SUCO: variants seen among roughly 807,000 people sequenced by gnomAD.
The protein encoded by SUCO is SUN domain-containing ossification factor.
A neutral mutation model predicts 148.1 loss-of-function variants in SUCO; 57 were observed. That is an observed-to-expected ratio of 0.38 (90% CI 0.31 to 0.48). The LOEUF is 0.48. SUCO is among the 20% of genes least tolerant of loss of function. The probability of loss-of-function intolerance (pLI) is 0.96; values close to 1 mark genes in which losing one functional copy is unlikely to be tolerated. For missense variants in SUCO, 1,331 were observed against 1,468.2 expected, an observed-to-expected ratio of 0.91 and a Z score of 1.53; for synonymous variants, 470 against 502.7, an observed-to-expected ratio of 0.93 and a Z score of 0.87.
intron 19 of SUCO, among the ~76,000 whole-genome samples, chr1:172,597,570 C>T (rs969604961): frequency 2.0e-4 from 31 of 151,908 alleles, no homozygotes; most frequent in African/African-American, 4.4e-4. Flanking sequence ...CAAGTAAGAA[C>T]GGCTTTGTTT....
At chr1:172,534,236 C>T (rs1453854649) in intron 1 of SUCO, among the ~76,000 whole-genome samples, 1 of 152,104 alleles carries the variant, frequency 6.6e-6, no homozygotes, top group Non-Finnish European at 1.5e-5. Flanking sequence ...ATCCCAGGCA[C>T]TTCTGGAGTT....
At chr1:172,598,038 G>A (rs1657250630) in intron 19 of SUCO, among the ~76,000 whole-genome samples, 1 of 152,040 alleles carries the variant, frequency 6.6e-6, no homozygotes. Context: ...TTTTTCCTTT[G>A]TTTTTTCTAG....
chr1:172,536,369 T>C (rs1652014674), intron 1 of SUCO, among the ~76,000 whole-genome samples: 1 of 152,180 alleles, frequency 6.6e-6, no homozygotes, highest in South Asian at 2.1e-4. Flanking sequence ...ATCCTCAGAA[T>C]GGGGAAATTG....
Position 172,589,476 on chromosome 1 carries a change from T to C in SUCO, c.2375T>C (p.Ile792Thr), listed in dbSNP as rs1286073063. Reference protein sequence around the residue: ...ESFSSIEKPSITYETNKVNEL... With the variant: ...ESFSSIEKPSTTYETNKVNEL... ...TTTAGTTCTATAGAGAAACCATCTA[T>C]TACCTATGAAACAAATAAAGTTAAT... The change falls in exon 18 of 24, where the codon ATT (isoleucine) becomes ACT (threonine). Residue 792 changes from isoleucine to threonine, a missense_variant. This residue lies in a region of SUCO where 992 missense variants were observed against 1,093.5 expected (regional missense o/e 0.91). Transcript: ENST00000263688. 1 of 1,611,300 alleles carries C rather than the reference T, an allele frequency of 6.2e-7. No individual in the cohort carries two copies. The highest frequency in any genetic ancestry group is 1.1e-5 in the South Asian group (1 of 90,736).
At chr1:172,568,947 T>A (rs1654749400) in intron 6 of SUCO, 72 bp from the exon 7 acceptor site, 1 of 1,330,772 alleles carries the variant, frequency 7.5e-7, no homozygotes, top group African/African-American at 1.6e-5. Flanking sequence ...CAGAAACATT[T>A]GTATTTATTT....
chr1:172,538,244 A>G (rs975547786), intron 1 of SUCO, among the ~76,000 whole-genome samples: 1 of 151,854 alleles, frequency 6.6e-6, no homozygotes, highest in African/African-American at 2.4e-5. Context: ...AAGAGAGTTG[A>G]TATCTAAATC....
At chr1:172,532,390 A>T (rs897354011), upstream of SUCO, 2 of 1,057,706 alleles carry the variant, frequency 1.9e-6, no homozygotes, top group Non-Finnish European at 2.7e-6. Flanking sequence ...AACGAAGCAC[A>T]CTTAAAGTGA....
At chr1:172,555,149 CAT>C (rs1653637681) in intron 3 of SUCO, among the ~76,000 whole-genome samples, 2 of 152,176 alleles carry the variant, frequency 1.3e-5, no homozygotes, top group South Asian at 4.2e-4. Context: ...ATCAAGAGAA[CAT>C]AGTTCTTACT....
At chr1:172,591,286 A>G (rs34134854) in intron 19 of SUCO, among the ~76,000 whole-genome samples, 28,506 of 151,786 alleles carry the variant, frequency 0.19, 3,134 homozygotes, top group South Asian at 0.27. Flanking sequence ...TTTTTTTTTA[A>G]TTATACTTTT....
chr1:172,567,014 A>G (rs770962774), intron 6 of SUCO, among the ~76,000 whole-genome samples: 35 of 152,242 alleles, frequency 2.3e-4, no homozygotes, highest in Non-Finnish European at 4.7e-4. Flanking sequence ...TTAAGTAGCC[A>G]TACACTTCAT....
chr1:172,558,585 T>TA (rs1339456387), intron 6 of SUCO, among the ~76,000 whole-genome samples: 1 of 152,224 alleles, frequency 6.6e-6, no homozygotes, highest in African/African-American at 2.4e-5. Flanking sequence ...AATCTTCACT[T>TA]ACGACTAACT....
chr1:172,547,342 A>G lies in SUCO; in HGVS notation c.63-4170A>G, dbSNP rs187684397. ...GTTTTCGCTATTAGGAGTAAAAACT[A>G]CTATGGACATTCTTGTACAAGGCTT... On this transcript the variant is annotated intron_variant, in intron 1 of 23. Transcript: ENST00000263688. Among the ~76,000 whole-genome samples, 3 of 152,336 alleles carry G rather than the reference A, an allele frequency of 2.0e-5. No homozygotes were observed. The East Asian group carries it at 5.8e-4, about 29-fold the overall frequency.
At chr1:172,562,085 A>G (rs1179757911) in intron 6 of SUCO, among the ~76,000 whole-genome samples, 3 of 152,144 alleles carry the variant, frequency 2.0e-5, no homozygotes, top group East Asian at 3.9e-4. Flanking sequence ...AAACAACAGC[A>G]TAGAATTAAG....
At chr1:172,576,938 T>A (rs1160058132) in intron 11 of SUCO, 1 of 718,508 alleles carries the variant, frequency 1.4e-6, no homozygotes, top group Non-Finnish European at 1.7e-6. Context: ...ATCTACTACT[T>A]TTTAATAGCA....
At chr1:172,599,121 A>G (rs1398165051) in intron 19 of SUCO, among the ~76,000 whole-genome samples, 1 of 152,212 alleles carries the variant, frequency 6.6e-6, no homozygotes, top group Non-Finnish European at 1.5e-5. Context: ...TAAAAGTTCA[A>G]ATTTTCGACC....
intron 6 of SUCO, among the ~76,000 whole-genome samples, chr1:172,562,581 C>A (rs115237446): frequency 6.6e-6 from 1 of 152,150 alleles, no homozygotes; most frequent in Non-Finnish European, 1.5e-5. Flanking sequence ...CGTGATCACC[C>A]GCCTTGGCCT....
Position 172,556,578 on chromosome 1 carries a change from C to CT in SUCO, c.443+558dup, listed in dbSNP as rs1223875628. 4.1e-6 allele frequency: 4 copies of CT among 980,106 alleles called. No homozygotes were observed. In the African/African-American group the frequency reaches 7.0e-5, roughly 17 times the overall value. 60.7% of individuals were successfully genotyped at this position (980,106 alleles called of 1,614,324 possible). On this transcript the variant is annotated intron_variant, in intron 4 of 23. Coordinates refer to ENST00000263688, the MANE Select transcript of SUCO (RefSeq NM_014283.5). ...CTCTTAATACTACATTAAGCATTTC[C>CT]TTTATCAAATGAGTTGACATAAATA...
chr1:172,533,974 T>C (rs1651825686), intron 1 of SUCO, among the ~76,000 whole-genome samples: 1 of 152,174 alleles, frequency 6.6e-6, no homozygotes, highest in Non-Finnish European at 1.5e-5. Flanking sequence ...GTAGTTCTCC[T>C]GGACATTTCT....
intron 14 of SUCO, 41 bp from the exon 15 acceptor site, chr1:172,579,161 C>G (rs41264544): frequency 0.079 from 88,102 of 1,115,398 alleles, 4,160 homozygotes; most frequent in Middle Eastern, 0.12. Flanking sequence ...ACCATTGGAG[C>G]TAGATCTCAG....
Sources: gnomAD v4.1 joint callset for allele counts (sites outside exome capture counted in the v4.1 genomes callset) on GRCh38, gnomAD v4.1.1 for gene constraint, gnomAD v4.1.1 regional missense constraint, MANE v1.5 for transcripts, NCBI Gene and HGNC (gene_info 2026-07-23, HGNC 2026-07-21) for gene names.